Variants in ZNF180 observed in about 807,000 individuals in gnomAD.
ZNF180 encodes zinc finger protein 180 (HHZ168).
A neutral mutation model predicts 11.8 loss-of-function variants in ZNF180; 11 were observed. The observed-to-expected ratio is 0.93, with a 90% CI of 0.59 to 1.55. ZNF180 has a LOEUF of 1.55. Ranked by LOEUF, ZNF180 falls within the 40% of genes most tolerant of loss-of-function variation. ZNF180 has a pLI of 0.00. For synonymous variants in ZNF180, 287 were observed against 257.7 expected (o/e 1.11, Z -1.09); for missense variants, 773 against 781.7 (o/e 0.99, Z 0.13).
intron 3 of ZNF180, among the ~76,000 whole-genome samples, chr19:44,482,142 C>A (rs891558120): frequency 2.0e-5 from 3 of 152,110 alleles, no homozygotes; most frequent in African/African-American, 7.2e-5. Flanking sequence ...CCTGTCTCTA[C>A]TAAAAACACA....
rs997675700 is a variant in ZNF180 at position 44,477,816 on chromosome 19, G to A, written c.584C>T (p.Ser195Leu). 4 of 1,613,764 alleles carry A rather than the reference G, an allele frequency of 2.5e-6. No homozygotes were observed. The highest frequency in any genetic ancestry group is 2.2e-5 in the East Asian group (1 of 44,870). Reference protein sequence around the residue: ...PIRNHFHKHVSHAKKWHLNAA... With the variant: ...PIRNHFHKHVLHAKKWHLNAA... ...ATTAAGATGCCATTTTTTAGCATGT[G>A]ATACATGTTTATGAAAATGGTTTCT... The change falls in exon 5 of 5, where the codon TCA (serine) becomes TTA (leucine). Residue 195 changes from serine (S) to leucine (L), a missense_variant. Coordinates refer to ENST00000592529, the MANE Select transcript of ZNF180 (RefSeq NM_001278509.3).
At chr19:44,487,846 C>T (rs1017655641) in intron 2 of ZNF180, among the ~76,000 whole-genome samples, 1 of 152,144 alleles carries the variant, frequency 6.6e-6, no homozygotes, top group Non-Finnish European at 1.5e-5. Flanking sequence ...CCTGCCTCAG[C>T]CTCCTAAGTA....
In ZNF180 at chr19:44,476,447, C is replaced by T. The variant is rs758158447; in HGVS notation, c.1953G>A (p.Arg651=). 8 of 1,610,596 alleles carry T rather than the reference C, an allele frequency of 5.0e-6. No individual in the cohort carries two copies. The South Asian group carries it at 7.7e-5, about 16-fold the overall frequency. Residue 651 remains arginine (R), a synonymous_variant, in exon 5 of 5, where the codon AGG becomes AGA. Transcript: ENST00000592529. ...KAFINSYKLI[R]HQATHTEEKL... ...TCTCTTCAGTATGAGTTGCCTGATG[C>T]CTAATAAGTTTATAGCTATTAATGA... is the stretch of plus-strand genomic sequence containing the variant.
At chr19:44,496,672 C>CAAAAAAAAAA (rs55678572) in intron 2 of ZNF180, 5 of 71,622 alleles carry the variant, frequency 7.0e-5, no homozygotes, top group African/African-American at 1.4e-4. Flanking sequence ...GACTCTGTCT[C>CAAAAAAAAAA]AAAAAAAAAA....
chr19:44,486,673 G>T (rs1308225493), intron 2 of ZNF180, among the ~76,000 whole-genome samples: 1 of 152,192 alleles, frequency 6.6e-6, no homozygotes. Flanking sequence ...GGAGGCTGAG[G>T]TGGAAGGATC....
intron 2 of ZNF180, chr19:44,496,672 C>CCAAAAAAAAAAAAA (rs1491468478): frequency 1.4e-5 from 1 of 71,622 alleles, no homozygotes; most frequent in Non-Finnish European, 2.4e-5. Flanking sequence ...GACTCTGTCT[C>CCAAAAAAAAAAAAA]AAAAAAAAAA....
chr19:44,477,560 C>T lies in ZNF180; in HGVS notation c.840G>A (p.Gly280=). 6.2e-7 allele frequency: 1 copy of T among 1,614,052 alleles called. No homozygotes were observed. The highest frequency in any genetic ancestry group is 8.5e-7 in the Non-Finnish European group (1 of 1,180,024). Residue 280 remains glycine, a synonymous_variant, in exon 5 of 5, where the codon GGG becomes GGA. Coordinates refer to ENST00000592529, the MANE Select transcript of ZNF180 (RefSeq NM_001278509.3). ...GGGATATTTTGGGGTTCAAAACCTGCCCACATTCTTTAAAATCAAAGGTTT... is the reference window on the plus strand; with the variant it reads ...GGGATATTTTGGGGTTCAAAACCTGTCCACATTCTTTAAAATCAAAGGTTT... ...GGKTFDFKEC[G]QVLNPKISHN... is the part of the protein sequence containing the mutation.
Position 44,477,036 on chromosome 19 carries a change from G to A in ZNF180, c.1364C>T (p.Ala455Val), listed in dbSNP as rs367678775. 1.2e-5 allele frequency: 20 copies of A among 1,613,652 alleles called. No homozygotes were observed. Among genetic ancestry groups the A allele is most frequent in the Non-Finnish European group, 1.5e-5 (18 of 1,179,932 alleles). ...KSFIQSYKLI[A>V]HQRIHTGEKP... is the part of the protein sequence containing the mutation. ...TTCCCCAGTATGAATTCTTTGATGT[G>A]CAATAAGTTTATAGCTCTGGATAAA... is the stretch of plus-strand genomic sequence containing the variant. Residue 455 changes from alanine (A) to valine (V), a missense_variant, in exon 5 of 5, where the codon GCA (alanine) becomes GTA (valine). Ala to Val is a moderately conservative substitution (Grantham distance 64). Transcript: ENST00000592529.
intron 3 of ZNF180, among the ~76,000 whole-genome samples, chr19:44,483,524 T>C (rs1264398163): frequency 6.6e-6 from 1 of 152,208 alleles, no homozygotes; most frequent in East Asian, 1.9e-4. Flanking sequence ...AGCAATCCTA[T>C]TACATTTACT....
chr19:44,474,488 A>G lies in ZNF180; in HGVS notation c.*1914T>C, dbSNP rs987718356. On this transcript the variant is annotated 3_prime_UTR_variant, in exon 5 of 5. Transcript: ENST00000592529. ...TTCTAGGTCTCATCATAGCTCATAT[A>G]TAACACTCAAAACATCATTAAACCA... The G allele has an allele frequency of 3.3e-5, 5 of 152,316 alleles. No individual in the cohort carries two copies. The highest frequency in any genetic ancestry group is 3.9e-4 in the East Asian group (2 of 5,184). The allele number at this position is 152,316 out of a possible 1,614,324, so 9.4% of individuals were successfully genotyped here.
intron 2 of ZNF180, among the ~76,000 whole-genome samples, chr19:44,487,815 CTCCGGGGT>C (rs1292071489): frequency 6.6e-6 from 1 of 152,112 alleles, no homozygotes; most frequent in East Asian, 1.9e-4. Flanking sequence ...CAACCTCCAC[CTCCGGGGT>C]TCAAGTGACT....
At chr19:44,489,107 GGGCCAGCC>G (rs1970342783) in intron 2 of ZNF180, among the ~76,000 whole-genome samples, 23 of 137,900 alleles carry the variant, frequency 1.7e-4, no homozygotes, top group African/African-American at 4.7e-4. Flanking sequence ...GGAGGTGGGG[GGGCCAGCC>G]TCCCGCCCGG....
Position 44,476,642 on chromosome 19 carries a change from G to A in ZNF180, c.1758C>T (p.Ser586=), listed in dbSNP as rs1969887737. Residue 586 remains serine, a synonymous_variant, in exon 5 of 5, where the codon TCC becomes TCT. Transcript: ENST00000592529. ...KPYECSQCGK[S]FRQSSCLTQH... Reference sequence around the variant, plus strand: ...GAGTAAGGCATGAACTCTGTCTGAAGGACTTCCCACATTGACTGCATTCAT... The same window carrying A: ...GAGTAAGGCATGAACTCTGTCTGAAAGACTTCCCACATTGACTGCATTCAT... The A allele has an allele frequency of 6.2e-7, 1 of 1,614,124 alleles. No individual in the cohort carries two copies. Among genetic ancestry groups the A allele is most frequent in the Non-Finnish European group, 8.5e-7 (1 of 1,179,994 alleles).
intron 2 of ZNF180, among the ~76,000 whole-genome samples, chr19:44,489,862 A>G (rs1039197740): frequency 6.8e-6 from 1 of 146,198 alleles, no homozygotes; most frequent in Admixed American, 6.9e-5. Context: ...GAGAAGAACA[A>G]GAAAGAAAGA....
Position 44,484,363 on chromosome 19 carries a change from G to A in ZNF180, c.124C>T (p.Gln42Ter). ...GACAGAGGCCTTGCCCAACCTACCT[G>A]AGATGGGATGGTCAGAGACCCAGTG... ...EDTGSLTIPS[Q>*]EGVNFKIVTV... Residue 42 changes from glutamine (Q) to a stop codon, truncating the protein, a stop_gained and splice_region_variant, in exon 3 of 5, where the codon CAG becomes TAG. Coordinates refer to ENST00000592529, the MANE Select transcript of ZNF180 (RefSeq NM_001278509.3). LOFTEE classifies it high-confidence loss of function. The A allele has an allele frequency of 1.9e-6, 3 of 1,611,570 alleles. No individual in the cohort carries two copies. Among genetic ancestry groups the A allele is most frequent in the South Asian group, 2.2e-5 (2 of 91,014 alleles).
chr19:44,487,217 G>T, intron 2 of ZNF180, among the ~76,000 whole-genome samples: 1 of 152,124 alleles, frequency 6.6e-6, no homozygotes, highest in Non-Finnish European at 1.5e-5. Flanking sequence ...ATTACAGTAG[G>T]AATGGTTATT....
chr19:44,493,637 TG>T (rs1350023694), intron 2 of ZNF180, among the ~76,000 whole-genome samples: 1 of 152,208 alleles, frequency 6.6e-6, no homozygotes, highest in Non-Finnish European at 1.5e-5. Flanking sequence ...GGTACCAAGG[TG>T]GGTCTGTGTG....
intron 2 of ZNF180, among the ~76,000 whole-genome samples, chr19:44,493,298 G>A (rs111517371): frequency 2.6e-5 from 4 of 152,178 alleles, no homozygotes; most frequent in African/African-American, 9.7e-5. Flanking sequence ...TTGGCTCAAG[G>A]CCTTCGCTGG....
chr19:44,491,516 T>C (rs1409560699), intron 2 of ZNF180, among the ~76,000 whole-genome samples: 3 of 152,262 alleles, frequency 2.0e-5, no homozygotes, highest in Non-Finnish European at 4.4e-5. Flanking sequence ...ATTTGCCTAG[T>C]ATTTTTAGTA....
Sources: gnomAD v4.1 joint callset for allele counts (sites outside exome capture counted in the v4.1 genomes callset) on GRCh38, gnomAD v4.1.1 for gene constraint, MANE v1.5 for transcripts, NCBI Gene and HGNC (gene_info 2026-07-23, HGNC 2026-07-21) for gene names.